The following NOTCH1 variants were observed in gnomAD, a reference collection of about 807,000 sequenced individuals.
NOTCH1 encodes neurogenic locus notch homolog protein 1.
NOTCH1 carries 37 observed loss-of-function variants against 254.8 expected under a neutral mutation model. The observed-to-expected ratio is 0.15, with a 90% CI of 0.11 to 0.19. The LOEUF (loss-of-function observed/expected upper bound fraction) is 0.19, where lower values mean the gene tolerates loss of function less well. Among genes scored for constraint, NOTCH1 ranks in the 10% least tolerant of loss-of-function variants. The pLI is 1.00. For synonymous variants in NOTCH1, 1,731 were observed against 1,618.1 expected, an observed-to-expected ratio of 1.07 and a Z score of -1.68; for missense variants, 2,972 against 3,708.6, an observed-to-expected ratio of 0.80 and a Z score of 5.16.
At position 136,496,398 on chromosome 9, in the gene NOTCH1, G is replaced by A; in HGVS notation, c.7341C>T (p.Gly2447=). The change falls in exon 34 of 34, where the codon GGC becomes GGT. Residue 2447 remains glycine (G), a synonymous_variant. Transcript: ENST00000651671. ...TAGTGTGCACCGCCAGGCTGCTGGG[G>A]CCCAGTGGCTGCACGTCTGCCTGGC... ...EPSQADVQPL[G]PSSLAVHTIL... is the part of the protein sequence containing the mutation. 1.9e-6 allele frequency: 3 copies of A among 1,598,966 alleles called. No individual in the cohort carries two copies. The highest frequency in any genetic ancestry group is 2.2e-5 in the South Asian group (2 of 90,840).
intron 18 of NOTCH1, among the ~76,000 whole-genome samples, chr9:136,509,520 C>T (rs556737248): frequency 6.6e-6 from 1 of 152,350 alleles, no homozygotes. Context: ...GGACAGACTA[C>T]CGGCGCTCCT....
Position 136,506,658 on chromosome 9 carries a change from C to T in NOTCH1, c.3902-19G>A, listed in dbSNP as rs2133342933. On this transcript the variant is annotated intron_variant, in intron 23 of 33. Transcript: ENST00000651671. The surrounding 1 kb of genome is among the most constrained non-coding windows in gnomAD (Gnocchi z 4.5). ...CGGCGCCCTAGGGGTAAGAGCAGGG[C>T]AGTGAGAGGCTCACCCTGCTGCCCC... 6.2e-7 allele frequency: 1 copy of T among 1,600,318 alleles called. No individual in the cohort carries two copies. Among genetic ancestry groups the T allele is most frequent in the Non-Finnish European group, 8.5e-7 (1 of 1,174,314 alleles).
At position 136,502,477 on chromosome 9, in the gene NOTCH1, C is replaced by G. The variant is rs1217972891; in HGVS notation, c.5179G>C (p.Glu1727Gln). ...TGCAGCTGCGCCGGCGGGGGCGGCT[C>G]CACGGTCTCACCTGCGGGCACGGGG... ...KIEAVQSETVEPPPPAQLHFM... is the reference protein window; with the variant it reads ...KIEAVQSETVQPPPPAQLHFM... The change falls in exon 28 of 34, where the codon GAG becomes CAG. Residue 1727 changes from glutamate (E) to glutamine (Q), a missense_variant. Physicochemically the swap from Glu to Gln is conservative, Grantham distance 29. Coordinates refer to ENST00000651671, the MANE Select transcript of NOTCH1 (RefSeq NM_017617.5). 3 of 1,569,904 alleles carry G rather than the reference C, an allele frequency of 1.9e-6. No homozygotes were observed. In the South Asian group the frequency reaches 3.4e-5, roughly 18 times the overall value.
intron 12 of NOTCH1, 120 bp downstream of exon 12, chr9:136,515,170 G>A (rs1452925880): frequency 5.7e-5 from 50 of 884,946 alleles, no homozygotes; most frequent in Middle Eastern, 4.6e-4. Context: ...TGCAGACCAC[G>A]GTCTGCCCAG....
At chr9:136,519,651 A>G in intron 4 of NOTCH1, 86 bp from the exon 5 acceptor site, 1 of 1,603,560 alleles carries the variant, frequency 6.2e-7, no homozygotes, top group Middle Eastern at 1.7e-4. Context: ...TCTGGACACA[A>G]GAGCCTGGCC....
intron 30 of NOTCH1, among the ~76,000 whole-genome samples, chr9:136,501,266 G>A (rs772382394): frequency 6.6e-6 from 1 of 151,688 alleles, no homozygotes; most frequent in African/African-American, 2.4e-5. Flanking sequence ...AAACCCCATC[G>A]CTGCTAAAAA....
intron 10 of NOTCH1, 61 bp from the exon 11 acceptor site, chr9:136,515,777 T>G (rs1843258228): frequency 6.9e-7 from 1 of 1,454,334 alleles, no homozygotes; most frequent in Admixed American, 2.0e-5. Context: ...GGGACACCCA[T>G]GACCAGACCT....
At position 136,523,916 on chromosome 9, in the gene NOTCH1, G is replaced by T; in HGVS notation, c.204C>A (p.Cys68Ter). ...QDPNPCLSTP[C>*]KNAGTCHVVD... ...CCACGTGGCATGTCCCGGCGTTCTT[G>T]CAGGGGGTGCTGAGGCACGGGTTGG... Residue 68 changes from cysteine (C) to a stop codon, truncating the protein, a stop_gained, in exon 3 of 34, where the codon TGC becomes TGA. Coordinates refer to ENST00000651671, the MANE Select transcript of NOTCH1 (RefSeq NM_017617.5). LOFTEE classifies it high-confidence loss of function. 1 of 1,599,398 alleles carries T rather than the reference G, an allele frequency of 6.3e-7. No homozygotes were observed. The highest frequency in any genetic ancestry group is 8.5e-7 in the Non-Finnish European group (1 of 1,173,744).
At position 136,511,407 on chromosome 9, in the gene NOTCH1, C is replaced by G. The variant is rs190051897; in HGVS notation, c.2468-136G>C. 1.8e-4 allele frequency: 204 copies of G among 1,130,352 alleles called. 1 individual carries two copies. The East Asian group carries it at 4.6e-3, about 25-fold the overall frequency. The allele number at this position is 1,130,352 out of a possible 1,614,324, so 70.0% of individuals were successfully genotyped here. A position where few individuals can be genotyped will look rare whatever the true frequency, so the allele number is the denominator to read the frequency against. On this transcript the variant is annotated intron_variant, in intron 15 of 33. Transcript: ENST00000651671. ...CGGGAGGCAAATGTGCACCGAGACC[C>G]CTGAGCGCTCCCGGCTGTGCCAGGA...
chr9:136,501,543 T>TC, intron 30 of NOTCH1, among the ~76,000 whole-genome samples: 1 of 151,818 alleles, frequency 6.6e-6, no homozygotes, highest in East Asian at 1.9e-4. Context: ...CCCTGCGGTA[T>TC]CACCCCAGGA....
intron 4 of NOTCH1, among the ~76,000 whole-genome samples, chr9:136,520,216 G>A (rs981931512): frequency 2.6e-5 from 4 of 152,128 alleles, no homozygotes; most frequent in Middle Eastern, 3.2e-3. Flanking sequence ...AGAAAGGCGC[G>A]TTCGGCAACA....
At chr9:136,498,145 C>T (rs1402110126) in intron 33 of NOTCH1, among the ~76,000 whole-genome samples, 1 of 152,064 alleles carries the variant, frequency 6.6e-6, no homozygotes, top group African/African-American at 2.4e-5. Flanking sequence ...AGCGCCTGGG[C>T]CAACATGCCC....
intron 2 of NOTCH1, among the ~76,000 whole-genome samples, chr9:136,535,522 G>A (rs1267912403): frequency 4.9e-4 from 42 of 86,514 alleles, no homozygotes; most frequent in African/African-American, 2.3e-3. Flanking sequence ...GTGGGTGGAG[G>A]GGGGAGCACT....
Position 136,513,427 on chromosome 9 carries a change from C to A in NOTCH1, c.2318G>T (p.Ser773Ile), listed in dbSNP as rs758073507. The A allele has an allele frequency of 6.2e-7, 1 of 1,613,024 alleles. No homozygotes were observed. Among genetic ancestry groups the A allele is most frequent in the Admixed American group, 1.7e-5 (1 of 60,028 alleles). Residue 773 changes from serine to isoleucine, a missense_variant, in exon 14 of 34, where the codon AGT becomes ATT. Ser to Ile is a moderately radical substitution (Grantham distance 142, BLOSUM62 -2). Around this residue, in one of 8 missense-constraint regions of NOTCH1, gnomAD observed 1,343 missense variants for 1,557.0 expected, o/e 0.86. Transcript: ENST00000651671. The surrounding 1 kb of genome is among the most constrained non-coding windows in gnomAD (Gnocchi z 4.7). ...VNGGTCKDMT[S>I]GYVCTCREGF... The stretch of plus-strand genomic sequence containing the variant: ...CTCCCGGCAGGTGCACACGTAGCCA[C>A]TGGTCATGTCTTTGCAGGTGCCGCC...
intron 2 of NOTCH1, among the ~76,000 whole-genome samples, chr9:136,524,460 G>A (rs1030452057): frequency 3.9e-5 from 6 of 152,156 alleles, no homozygotes; most frequent in African/African-American, 1.2e-4. Context: ...CATTAGCTCC[G>A]TAGAGCCTCC....
chr9:136,501,827 C>T lies in NOTCH1; in HGVS notation c.5559G>A (p.Leu1853=), dbSNP rs879405041. The T allele has an allele frequency of 1.2e-6, 2 of 1,612,638 alleles. No homozygotes were observed. The highest frequency in any genetic ancestry group is 3.3e-5 in the Admixed American group (2 of 59,982). The part of the protein sequence containing the change: ...WTQQHLDAAD[L]RMSAMAPTPP... ...GTGTGGGGGCCATGGCAGACATGCG[C>T]AGGTCAGCGGCATCCAGGTGCTGCT... The change falls in exon 30 of 34, where the codon CTG becomes CTA. Residue 1853 remains leucine, a synonymous_variant. Transcript: ENST00000651671.
Position 136,540,158 on chromosome 9 carries a change from G to A in NOTCH1, c.140+3866C>T, listed in dbSNP as rs1036945118. The stretch of plus-strand genomic sequence containing the variant: ...CCGGGAGCTATGCCAGGCCACCACC[G>A]GGCCGGCACACCCCCAACATGTCCC... On this transcript the variant is annotated intron_variant, in intron 2 of 33. Coordinates refer to ENST00000651671, the MANE Select transcript of NOTCH1 (RefSeq NM_017617.5). This position sits in a 1 kb window ranked among gnomAD's most constrained non-coding sequence, Gnocchi z 4.4. Among the ~76,000 whole-genome samples the A allele has an allele frequency of 4.6e-5, 7 of 152,106 alleles. No homozygotes were observed. The highest frequency in any genetic ancestry group is 9.7e-5 in the African/African-American group (4 of 41,404).
At chr9:136,510,039 GGCTGGGGACA>G (rs1174208447) in intron 17 of NOTCH1, 78 bp from the exon 18 acceptor site, 3 of 1,376,820 alleles carry the variant, frequency 2.2e-6, no homozygotes, top group Admixed American at 1.7e-5. Context: ...AAGGCTGCAT[GGCTGGGGACA>G]GCCCAGCCTT....
At chr9:136,537,744 C>T (rs1353566144) in intron 2 of NOTCH1, among the ~76,000 whole-genome samples, 1 of 152,148 alleles carries the variant, frequency 6.6e-6, no homozygotes, top group Admixed American at 6.5e-5. Context: ...TGCAGTCAGC[C>T]GTGATCCCAC....
Sources: gnomAD v4.1 joint callset for allele counts (sites outside exome capture counted in the v4.1 genomes callset) on GRCh38, gnomAD v4.1.1 for gene constraint, gnomAD v4.1.1 regional missense constraint, Gnocchi (gnomAD v3.1) non-coding constraint, MANE v1.5 for transcripts, NCBI Gene and HGNC (gene_info 2026-07-23, HGNC 2026-07-21) for gene names.